The following ADAMTSL1 variants were observed in gnomAD, a reference collection of about 807,000 sequenced individuals.
The protein encoded by ADAMTSL1 is ADAMTS like 1.
A neutral mutation model predicts 201.8 loss-of-function variants in ADAMTSL1; 126 were observed. That is an observed-to-expected ratio of 0.62 (90% CI 0.54 to 0.72). The LOEUF is 0.72. Among genes scored for constraint, ADAMTSL1 ranks in the 30% least tolerant of loss-of-function variants. The pLI is 0.00. For missense variants in ADAMTSL1, 2,679 were observed against 2,277.8 expected (o/e 1.18, Z -3.59); for synonymous variants, 1,121 against 903.4 (o/e 1.24, Z -4.32).
chr9:18,211,868 A>G (rs1385104154), intron 2 of ADAMTSL1, among the ~76,000 whole-genome samples: 1 of 152,216 alleles, frequency 6.6e-6, no homozygotes, highest in Non-Finnish European at 1.5e-5. Context: ...AATGTTTTTT[A>G]CATTCTTAGG....
At chr9:18,614,573 G>T (rs1484629167) in intron 4 of ADAMTSL1, among the ~76,000 whole-genome samples, 1 of 152,068 alleles carries the variant, frequency 6.6e-6, no homozygotes, top group Non-Finnish European at 1.5e-5. Flanking sequence ...TCTGTAAGCA[G>T]GTTTCCCTCC....
At chr9:18,264,840 T>C (rs1832057017) in intron 2 of ADAMTSL1, among the ~76,000 whole-genome samples, 2 of 152,196 alleles carry the variant, frequency 1.3e-5, no homozygotes, top group South Asian at 4.1e-4. Context: ...TTAGACTGCA[T>C]AGACTTAAGT....
chr9:18,673,546 C>A (rs1337357281), intron 9 of ADAMTSL1, among the ~76,000 whole-genome samples: 11 of 152,190 alleles, frequency 7.2e-5, no homozygotes, highest in Non-Finnish European at 1.3e-4. Flanking sequence ...CTAAATCGGT[C>A]CAAAGCAAAG....
chr9:18,070,622 G>T (rs1822922328), intron 1 of ADAMTSL1, among the ~76,000 whole-genome samples: 1 of 152,042 alleles, frequency 6.6e-6, no homozygotes, highest in Non-Finnish European at 1.5e-5. Flanking sequence ...GAACTAAATG[G>T]CCCAGCTGTG....
intron 1 of ADAMTSL1, among the ~76,000 whole-genome samples, chr9:17,948,922 C>T (rs1229816376): frequency 6.6e-6 from 1 of 152,168 alleles, no homozygotes; most frequent in East Asian, 1.9e-4. Context: ...GATATTACCA[C>T]TCCCTTTACA....
intron 23 of ADAMTSL1, among the ~76,000 whole-genome samples, chr9:18,842,400 GGACA>G (rs1265584769): frequency 2.6e-5 from 4 of 151,916 alleles, no homozygotes; most frequent in African/African-American, 9.7e-5. Context: ...GTGGTCTGAG[GGACA>G]GTTTGTTATA....
chr9:17,924,526 ACAGAG>A (rs71333018), intron 1 of ADAMTSL1, among the ~76,000 whole-genome samples: 13,953 of 151,524 alleles, frequency 0.092, 716 homozygotes, highest in South Asian at 0.19. Flanking sequence ...ATGGAACAGA[ACAGAG>A]CCCTCAGAAA....
At chr9:18,811,610 T>C (rs1823513610) in intron 20 of ADAMTSL1, among the ~76,000 whole-genome samples, 1 of 152,194 alleles carries the variant, frequency 6.6e-6, no homozygotes, top group South Asian at 2.1e-4. Context: ...TGAGTGGTTT[T>C]ATAGAAAGCA....
intron 1 of ADAMTSL1, among the ~76,000 whole-genome samples, chr9:18,047,800 A>G (rs138597035): frequency 3.1e-4 from 47 of 152,322 alleles, no homozygotes; most frequent in Middle Eastern, 3.4e-3. Flanking sequence ...TGAGAGAAGT[A>G]TTTCGCCAAT....
chr9:18,869,987 A>T (rs77770475), intron 23 of ADAMTSL1, among the ~76,000 whole-genome samples: 1,748 of 152,104 alleles, frequency 0.011, 31 homozygotes, highest in African/African-American at 0.04. Context: ...GTGGAACTTC[A>T]AGTTTACTGA....
At chr9:18,417,586 A>C (rs1453671316) in intron 2 of ADAMTSL1, among the ~76,000 whole-genome samples, 2 of 152,272 alleles carry the variant, frequency 1.3e-5, no homozygotes, top group South Asian at 4.1e-4. Context: ...GAAATTAAAA[A>C]GAGAATACTA....
chr9:18,697,465 A>G (rs1267142336), intron 13 of ADAMTSL1, among the ~76,000 whole-genome samples: 1 of 152,196 alleles, frequency 6.6e-6, no homozygotes, highest in African/African-American at 2.4e-5. Context: ...GAAATTTGCT[A>G]GAAAATGCCA....
chr9:18,745,915 CT>C (rs1445200812), intron 15 of ADAMTSL1, among the ~76,000 whole-genome samples: 4 of 152,212 alleles, frequency 2.6e-5, no homozygotes, highest in African/African-American at 7.2e-5. Context: ...GCGCTGACCC[CT>C]GTCCCAGGCC....
At chr9:18,786,780 G>C (rs72690558) in intron 19 of ADAMTSL1, among the ~76,000 whole-genome samples, 1 of 152,142 alleles carries the variant, frequency 6.6e-6, no homozygotes, top group African/African-American at 2.4e-5. Context: ...CAGGCATCAT[G>C]AGGGGATGTT....
chr9:18,182,746 C>G (rs1022001659), intron 2 of ADAMTSL1, among the ~76,000 whole-genome samples: 5 of 152,144 alleles, frequency 3.3e-5, no homozygotes, highest in African/African-American at 7.2e-5. Context: ...TATGAGAAAA[C>G]TGAGGCACGG....
chr9:18,592,598 A>G (rs889960340), intron 4 of ADAMTSL1, among the ~76,000 whole-genome samples: 2 of 152,150 alleles, frequency 1.3e-5, no homozygotes, highest in Non-Finnish European at 2.9e-5. Flanking sequence ...AAAACTTCTC[A>G]GTACCATGCT....
At chr9:18,390,510 G>T (rs1563929619) in intron 2 of ADAMTSL1, among the ~76,000 whole-genome samples, 1 of 152,220 alleles carries the variant, frequency 6.6e-6, no homozygotes, top group East Asian at 1.9e-4. Flanking sequence ...CTTATGTACT[G>T]CATGACAGTA....
At chr9:17,977,254 A>G (rs189874988) in intron 1 of ADAMTSL1, among the ~76,000 whole-genome samples, 303 of 152,178 alleles carry the variant, frequency 2.0e-3, no homozygotes, top group African/African-American at 6.6e-3. Flanking sequence ...TTTTATGTCT[A>G]TGTTCATCAG....
At chr9:18,852,925 C>A (rs1275099191) in intron 23 of ADAMTSL1, among the ~76,000 whole-genome samples, 1 of 152,186 alleles carries the variant, frequency 6.6e-6, no homozygotes, top group African/African-American at 2.4e-5. Flanking sequence ...TCTGGGACCC[C>A]ATGGAGAAGG....
Sources: allele counts gnomAD v4.1 joint callset (sites outside exome capture counted in the v4.1 genomes callset), GRCh38; gene constraint gnomAD v4.1.1; transcripts MANE v1.5; gene names NCBI Gene and HGNC (gene_info 2026-07-23, HGNC 2026-07-21).